ZFP2: variants seen among roughly 807,000 people sequenced by gnomAD.
The protein encoded by ZFP2 is ZFP2 zinc finger protein.
A neutral mutation model predicts 36.1 loss-of-function variants in ZFP2; 33 were observed. That is an observed-to-expected ratio of 0.92 (90% CI 0.69 to 1.22). ZFP2 has a LOEUF of 1.22. ZFP2 is among the 50% of genes most tolerant of loss of function. The pLI is 0.00. For synonymous variants in ZFP2, 170 were observed against 178.0 expected (o/e 0.96, Z 0.36); for missense variants, 522 against 551.4 (o/e 0.95, Z 0.53).
chr5:178,925,300 A>G (rs1469145139), intron 4 of ZFP2, among the ~76,000 whole-genome samples: 2 of 148,694 alleles, frequency 1.3e-5, no homozygotes, highest in Non-Finnish European at 3.0e-5. Flanking sequence ...CCATTTTTTG[A>G]TGATGGGCAT....
intron 1 of ZFP2, among the ~76,000 whole-genome samples, chr5:178,911,711 C>T (rs1394870196): frequency 6.6e-6 from 1 of 152,182 alleles, no homozygotes; most frequent in Non-Finnish European, 1.5e-5. Context: ...GTTGTACTTT[C>T]TCCCTTTTCC....
chr5:178,931,770 A>G lies in ZFP2; in HGVS notation c.457A>G (p.Thr153Ala), dbSNP rs745509500. Residue 153 changes from threonine (T) to alanine (A), a missense_variant, in exon 5 of 5, where the codon ACT becomes GCT. Physicochemically the swap from Thr to Ala is moderately conservative, Grantham distance 58. Transcript: ENST00000361362. ...CCTTACTGTACATCAAAGAATTCAT[A>G]CTGGAGAGAAACCCTATAAATGTAA... ...SSLTVHQRIH[T>A]GEKPYKCNEC... 3 of 1,614,152 alleles carry G rather than the reference A, an allele frequency of 1.9e-6. No homozygotes were observed. The highest frequency in any genetic ancestry group is 2.5e-6 in the Non-Finnish European group (3 of 1,180,012).
intron 1 of ZFP2, among the ~76,000 whole-genome samples, chr5:178,911,075 T>C (rs1198063262): frequency 2.6e-5 from 4 of 152,238 alleles, no homozygotes; most frequent in Non-Finnish European, 5.9e-5. Flanking sequence ...CCTTTCTCCT[T>C]GGTTAAAATG....
At chr5:178,915,442 T>A (rs1758403410) in intron 3 of ZFP2, among the ~76,000 whole-genome samples, 1 of 147,746 alleles carries the variant, frequency 6.8e-6, no homozygotes, top group Admixed American at 7.0e-5. Flanking sequence ...GCCTCCTGAG[T>A]AGCTGGGACT....
chr5:178,916,658 G>T lies in ZFP2; in HGVS notation c.-130G>T. The T allele has an allele frequency of 1.0e-6, 1 of 985,398 alleles. No homozygotes were observed. Among genetic ancestry groups the T allele is most frequent in the Non-Finnish European group, 1.2e-6 (1 of 829,928 alleles). 61.0% of individuals were successfully genotyped at this position (985,398 alleles called of 1,614,324 possible). On this transcript the variant is annotated 5_prime_UTR_variant, in exon 4 of 5. Coordinates refer to ENST00000361362, the MANE Select transcript of ZFP2 (RefSeq NM_030613.4). ...GGAGAAAGTATTGACTGAGTGCTGT[G>T]CTCAGCTCTTCCACAGCCAGCATCT...
intron 4 of ZFP2, among the ~76,000 whole-genome samples, chr5:178,920,808 C>T (rs1206677453): frequency 6.6e-6 from 1 of 152,126 alleles, no homozygotes; most frequent in Non-Finnish European, 1.5e-5. Flanking sequence ...ATAATTGTAT[C>T]ATCTCACTTG....
intron 1 of ZFP2, chr5:178,910,188 CT>C (rs1271041938): frequency 3.8e-5 from 60 of 1,559,914 alleles, no homozygotes; most frequent in Non-Finnish European, 5.2e-5. Flanking sequence ...AAAAATCTTT[CT>C]GGTGAATTTG....
chr5:178,913,172 G>A (rs544918652), intron 3 of ZFP2, 101 bp downstream of exon 3: 1 of 603,594 alleles, frequency 1.7e-6, no homozygotes, highest in Non-Finnish European at 2.1e-6. Flanking sequence ...CACTGGATGT[G>A]TGTTCTCAGA....
intron 1 of ZFP2, chr5:178,910,662 C>T (rs570757437): frequency 1.6e-4 from 59 of 369,722 alleles, no homozygotes; most frequent in South Asian, 7.0e-4. Context: ...CCCTCACTGC[C>T]GCTGGCCCAT....
intron 3 of ZFP2, among the ~76,000 whole-genome samples, chr5:178,913,413 C>T (rs549407227): frequency 3.3e-5 from 5 of 152,296 alleles, no homozygotes; most frequent in African/African-American, 1.2e-4. Flanking sequence ...TGGGCTTTTA[C>T]TGTCTTTCAT....
rs1758878075 is a variant in ZFP2 at position 178,932,831 on chromosome 5, A to G, written c.*132A>G. On this transcript the variant is annotated 3_prime_UTR_variant, in exon 5 of 5. Coordinates refer to ENST00000361362, the MANE Select transcript of ZFP2 (RefSeq NM_030613.4). Reference sequence around the variant, plus strand: ...GTTGAAGTACAATATGTCATATCAGATAATACCACTGCAGAGAATCCATCT... The same window carrying G: ...GTTGAAGTACAATATGTCATATCAGGTAATACCACTGCAGAGAATCCATCT... 2 of 1,106,084 alleles carry G rather than the reference A, an allele frequency of 1.8e-6. No individual in the cohort carries two copies. Among genetic ancestry groups the G allele is most frequent in the South Asian group, 3.7e-5 (2 of 53,390 alleles). 68.5% of individuals were successfully genotyped at this position (1,106,084 alleles called of 1,614,324 possible).
At chr5:178,909,157 C>T (rs1325771037) in intron 1 of ZFP2, among the ~76,000 whole-genome samples, 3 of 140,894 alleles carry the variant, frequency 2.1e-5, no homozygotes, top group East Asian at 4.6e-4. Context: ...TAAAACCCCT[C>T]GTGGCCTGGA....
At position 178,932,306 on chromosome 5, in the gene ZFP2, T is replaced by C; in HGVS notation, c.993T>C (p.Cys331=). ...SGVKPFECNE[C]GKAFSKNSSL... is the part of the protein sequence containing the mutation. ...TAAAACCTTTTGAATGTAACGAGTGTGGAAAAGCTTTCAGTAAGAATTCAT... is the reference window on the plus strand; with the variant it reads ...TAAAACCTTTTGAATGTAACGAGTGCGGAAAAGCTTTCAGTAAGAATTCAT... The change falls in exon 5 of 5, where the codon TGT becomes TGC. Residue 331 remains cysteine, a synonymous_variant. Transcript: ENST00000361362. The C allele has an allele frequency of 6.2e-7, 1 of 1,614,180 alleles. No individual in the cohort carries two copies. Among genetic ancestry groups the C allele is most frequent in the Non-Finnish European group, 8.5e-7 (1 of 1,180,026 alleles).
chr5:178,902,707 C>T (rs970738868), intron 1 of ZFP2, among the ~76,000 whole-genome samples: 1 of 152,282 alleles, frequency 6.6e-6, no homozygotes, highest in East Asian at 1.9e-4. Context: ...ACTCTTGTCT[C>T]CAAGCTCCCT....
intron 1 of ZFP2, among the ~76,000 whole-genome samples, chr5:178,906,432 C>T (rs2113064450): frequency 6.6e-6 from 1 of 152,258 alleles, no homozygotes; most frequent in Non-Finnish European, 1.5e-5. Context: ...TTTGCATTTG[C>T]CTGCTATATC....
Position 178,931,529 on chromosome 5 carries a change from G to T in ZFP2, c.216G>T (p.Arg72Ser). 1 of 1,614,088 alleles carries T rather than the reference G, an allele frequency of 6.2e-7. No individual in the cohort carries two copies. Among genetic ancestry groups the T allele is most frequent in the Non-Finnish European group, 8.5e-7 (1 of 1,180,012 alleles). ...DTQQSIPMVKRPHNCNSHGED... is the reference protein window; with the variant it reads ...DTQQSIPMVKSPHNCNSHGED... ...AGCAAAGCATTCCTATGGTAAAAAG[G>T]CCCCATAACTGTAATTCACATGGAG... Residue 72 changes from arginine (R) to serine (S), a missense_variant, in exon 5 of 5, where the codon AGG becomes AGT. Physicochemically the swap from Arg to Ser is moderately radical, Grantham distance 110. Transcript: ENST00000361362.
chr5:178,921,760 G>C (rs1038600853), intron 4 of ZFP2, among the ~76,000 whole-genome samples: 6 of 149,270 alleles, frequency 4.0e-5, no homozygotes, highest in African/African-American at 1.5e-4. Context: ...CTCACCACTG[G>C]TTCAGTGGTA....
At chr5:178,909,456 G>A (rs1401700297) in intron 1 of ZFP2, among the ~76,000 whole-genome samples, 2 of 152,150 alleles carry the variant, frequency 1.3e-5, no homozygotes, top group African/African-American at 2.4e-5. Flanking sequence ...TGCTTCCAGA[G>A]CTTGGGGCCT....
intron 3 of ZFP2, 104 bp from the exon 4 acceptor site, chr5:178,916,461 G>C: frequency 1.6e-6 from 1 of 629,286 alleles, no homozygotes; most frequent in Non-Finnish European, 2.0e-6. Context: ...AAAGAGCAGA[G>C]AGGTGTCCAT....
Sources: allele counts gnomAD v4.1 joint callset (sites outside exome capture counted in the v4.1 genomes callset), GRCh38; gene constraint gnomAD v4.1.1; transcripts MANE v1.5; gene names NCBI Gene and HGNC (gene_info 2026-07-23, HGNC 2026-07-21).